The following ACYP2 variants were observed in gnomAD, a reference collection of about 807,000 sequenced individuals.
ACYP2 encodes acylphosphatase-2.
Under a neutral mutation model 11.2 loss-of-function variants are expected in ACYP2, and 12 were observed. That is an observed-to-expected ratio of 1.08 (90% CI 0.69 to 1.74). The LOEUF is 1.74. Ranked by LOEUF, ACYP2 falls within the 40% of genes most tolerant of loss-of-function variation. ACYP2 has a pLI of 0.00. For missense variants in ACYP2, 134 were observed against 101.9 expected (o/e 1.31, Z -1.35); for synonymous variants, 43 against 32.2 (o/e 1.33, Z -1.13).
rs768677445 is a variant in ACYP2, at chr2:54,255,547, A to G, written c.405-49141A>G. ...CAGCTGGATGGACTCCAGGGGGTTC[A>G]GGTGGAGACCCACGTTCAGGGGCCC... is the stretch of plus-strand genomic sequence containing the variant. On this transcript the variant is annotated intron_variant, in intron 6 of 6. Transcript: ENST00000607452. The G allele has an allele frequency of 2.5e-6, 4 of 1,592,092 alleles. No individual in the cohort carries two copies. The South Asian group carries it at 3.3e-5, about 13-fold the overall frequency.
intron 2 of ACYP2, among the ~76,000 whole-genome samples, chr2:54,048,981 G>A (rs1188684553): frequency 1.3e-5 from 2 of 152,130 alleles, no homozygotes; most frequent in Non-Finnish European, 2.9e-5. Flanking sequence ...TAGGTTAGAA[G>A]TAATGAGCTG....
chr2:54,158,152 A>G (rs1000177658), intron 6 of ACYP2, among the ~76,000 whole-genome samples: 8 of 150,792 alleles, frequency 5.3e-5, no homozygotes, highest in Non-Finnish European at 1.2e-4. Flanking sequence ...CAGCCTCCCA[A>G]GTAGCTGGAA....
At chr2:54,279,119 A>G (rs1039254630) in intron 6 of ACYP2, among the ~76,000 whole-genome samples, 1 of 152,244 alleles carries the variant, frequency 6.6e-6, no homozygotes, top group Non-Finnish European at 1.5e-5. Flanking sequence ...AATATGAAGT[A>G]TATCAAGAAT....
intron 6 of ACYP2, among the ~76,000 whole-genome samples, chr2:54,141,349 T>A (rs949144558): frequency 6.6e-6 from 1 of 152,220 alleles, no homozygotes; most frequent in Admixed American, 6.5e-5. Context: ...AAACAGATTG[T>A]AAGTGTTGTC....
intron 6 of ACYP2, among the ~76,000 whole-genome samples, chr2:54,149,785 A>G (rs781135586): frequency 6.6e-6 from 1 of 152,198 alleles, no homozygotes; most frequent in Non-Finnish European, 1.5e-5. Context: ...TGGTATATGT[A>G]TATAAGAGGA....
intron 2 of ACYP2, among the ~76,000 whole-genome samples, chr2:54,019,157 C>T (rs1254508615): frequency 1.3e-5 from 2 of 151,820 alleles, no homozygotes; most frequent in Admixed American, 1.3e-4. Flanking sequence ...GCTTCAACCT[C>T]CTGGGCTCAA....
At chr2:54,091,793 TCAGCCACTAACCC>T (rs1326031977) in intron 4 of ACYP2, among the ~76,000 whole-genome samples, 1 of 152,126 alleles carries the variant, frequency 6.6e-6, no homozygotes, top group African/African-American at 2.4e-5. Flanking sequence ...ATTACAAGCG[TCAGCCACTAACCC>T]CAGCCAACTC....
chr2:54,106,074 A>G (rs181604005), intron 4 of ACYP2, among the ~76,000 whole-genome samples: 33 of 152,298 alleles, frequency 2.2e-4, no homozygotes, highest in African/African-American at 7.7e-4. Context: ...AAGTGTCATA[A>G]TAATCATAAA....
At chr2:54,016,812 G>A (rs914486102) in intron 2 of ACYP2, among the ~76,000 whole-genome samples, 2 of 147,300 alleles carry the variant, frequency 1.4e-5, no homozygotes, top group Non-Finnish European at 3.0e-5. Context: ...TGCAAGCTCC[G>A]CCTCCTGGGT....
rs148489447 is a variant in ACYP2, at chr2:54,206,678, C to T, written c.404+67930C>T. 4.3e-3 allele frequency among the ~76,000 whole-genome samples: 660 copies of T among 152,128 alleles called. 9 individuals are homozygous for T. Among genetic ancestry groups the T allele is most frequent in the African/African-American group, 0.015 (617 of 41,508 alleles). ...TCTAATCCTCTTTGTGATTTTTTTC[C>T]ATAATTGTAGAGTAAATAAAATTCA... On this transcript the variant is annotated intron_variant, in intron 6 of 6. Transcript: ENST00000607452.
At chr2:54,168,989 C>T (rs1182341921) in intron 6 of ACYP2, among the ~76,000 whole-genome samples, 2 of 152,100 alleles carry the variant, frequency 1.3e-5, no homozygotes, top group African/African-American at 4.8e-5. Flanking sequence ...TCCTTTAAAC[C>T]TGTTGGGATT....
chr2:54,281,899 T>G (rs972463454), intron 6 of ACYP2, among the ~76,000 whole-genome samples: 1 of 152,226 alleles, frequency 6.6e-6, no homozygotes, highest in Non-Finnish European at 1.5e-5. Flanking sequence ...GCTAATTATT[T>G]TTTTAGAATG....
chr2:53,990,668 GAAAA>G (rs1001202727), intron 2 of ACYP2, among the ~76,000 whole-genome samples: 5 of 142,484 alleles, frequency 3.5e-5, no homozygotes, highest in African/African-American at 1.3e-4. Flanking sequence ...AAAAAAAAAA[GAAAA>G]AAAAAGAAAA....
In ACYP2 at chr2:54,255,793, G is replaced by A. The variant is rs1248757675; in HGVS notation, c.405-48895G>A. On this transcript the variant is annotated intron_variant, in intron 6 of 6. Coordinates refer to ENST00000607452, the MANE Select transcript of ACYP2 (RefSeq NM_001320586.2). ...AGCCTTCTCCCCACCTAGGCCGTGCGTCTCTTCACCCGGAAAGCCATTTTT... is the reference window on the plus strand; with the variant it reads ...AGCCTTCTCCCCACCTAGGCCGTGCATCTCTTCACCCGGAAAGCCATTTTT... 7 of 1,613,780 alleles carry A rather than the reference G, an allele frequency of 4.3e-6. No individual in the cohort carries two copies. The highest frequency in any genetic ancestry group is 1.1e-5 in the South Asian group (1 of 91,076).
At chr2:53,974,590 T>C (rs892140511) in intron 2 of ACYP2, among the ~76,000 whole-genome samples, 5 of 152,228 alleles carry the variant, frequency 3.3e-5, no homozygotes, top group African/African-American at 1.2e-4. Flanking sequence ...AGCTTGAATT[T>C]ACTATTATCT....
chr2:54,218,280 T>G (rs1685640769), intron 6 of ACYP2, among the ~76,000 whole-genome samples: 1 of 152,216 alleles, frequency 6.6e-6, no homozygotes, highest in Non-Finnish European at 1.5e-5. Context: ...GAGGATCTCA[T>G]CCTTGACTCC....
At chr2:54,168,818 T>C (rs1020468508) in intron 6 of ACYP2, among the ~76,000 whole-genome samples, 1 of 152,164 alleles carries the variant, frequency 6.6e-6, no homozygotes, top group African/African-American at 2.4e-5. Flanking sequence ...TTAATTGTAA[T>C]TGTATTAGAA....
chr2:54,047,009 A>G (rs1472578272), intron 2 of ACYP2, among the ~76,000 whole-genome samples: 1 of 152,208 alleles, frequency 6.6e-6, no homozygotes, highest in Non-Finnish European at 1.5e-5. Flanking sequence ...GAAGACTAAA[A>G]TAAACTATAT....
chr2:54,235,690 T>A (rs1686446693), intron 6 of ACYP2, among the ~76,000 whole-genome samples: 1 of 152,184 alleles, frequency 6.6e-6, no homozygotes, highest in Non-Finnish European at 1.5e-5. Context: ...AGTTATTAAT[T>A]CAATTTTAAA....
Sources: gnomAD v4.1 joint callset for allele counts (sites outside exome capture counted in the v4.1 genomes callset) on GRCh38, gnomAD v4.1.1 for gene constraint, MANE v1.5 for transcripts, NCBI Gene and HGNC (gene_info 2026-07-23, HGNC 2026-07-21) for gene names.